Variants in ZC3HAV1 observed in about 807,000 individuals in gnomAD.
ZC3HAV1 encodes the protein zinc finger CCCH-type antiviral protein 1.
ZC3HAV1 carries 41 observed loss-of-function variants against 86.6 expected under a neutral mutation model. That is an observed-to-expected ratio of 0.47 (90% confidence interval 0.37 to 0.61). ZC3HAV1 has a LOEUF of 0.61. Among genes scored for constraint, ZC3HAV1 ranks in the 20% least tolerant of loss-of-function variants. ZC3HAV1 has a pLI of 0.00. For synonymous variants in ZC3HAV1, 421 were observed against 432.1 expected, an observed-to-expected ratio of 0.97 and a Z score of 0.32; for missense variants, 964 against 1,141.1, an observed-to-expected ratio of 0.84 and a Z score of 2.24.
chr7:139,075,848 T>C (rs866792709), intron 6 of ZC3HAV1, among the ~76,000 whole-genome samples: 6 of 152,354 alleles, frequency 3.9e-5, no homozygotes, highest in Middle Eastern at 6.8e-3. Flanking sequence ...AGTAAAACTA[T>C]ATGAAATTAT....
At chr7:139,105,415 G>C in intron 1 of ZC3HAV1, among the ~76,000 whole-genome samples, 1 of 152,104 alleles carries the variant, frequency 6.6e-6, no homozygotes, top group East Asian at 1.9e-4. Context: ...CATAGTGGTT[G>C]GCACATAGTT....
chr7:139,087,636 T>C (rs983096734), intron 2 of ZC3HAV1, among the ~76,000 whole-genome samples: 1 of 152,136 alleles, frequency 6.6e-6, no homozygotes, highest in Non-Finnish European at 1.5e-5. Flanking sequence ...TCACTTCTCA[T>C]GTTATAAGAT....
intron 1 of ZC3HAV1, among the ~76,000 whole-genome samples, chr7:139,101,105 G>A (rs1013596160): frequency 8.5e-5 from 13 of 152,200 alleles, no homozygotes; most frequent in Admixed American, 3.9e-4. Context: ...TCGGCCTCCC[G>A]AGGTGCCGGG....
At chr7:139,093,201 G>A (rs1054961100) in intron 1 of ZC3HAV1, among the ~76,000 whole-genome samples, 1 of 152,050 alleles carries the variant, frequency 6.6e-6, no homozygotes, top group Non-Finnish European at 1.5e-5. Flanking sequence ...GAATGAACAC[G>A]CATCCCAAAA....
chr7:139,106,598 C>A (rs1220573702), intron 1 of ZC3HAV1, among the ~76,000 whole-genome samples: 10 of 152,000 alleles, frequency 6.6e-5, no homozygotes, highest in Admixed American at 2.6e-4. Context: ...TTGGGTGACC[C>A]TATCTCAAAA....
Position 139,094,973 on chromosome 7 carries a change from C to T in ZC3HAV1, c.309-5214G>A, listed in dbSNP as rs555070327. On this transcript the variant is annotated intron_variant, in intron 1 of 12. Coordinates refer to ENST00000242351, the MANE Select transcript of ZC3HAV1 (RefSeq NM_020119.4). ...CAGTCAGACCAAAAAGAGACAGTAACCCGAGTCTTTTTTTTTTTTTTTTGG... is the reference window on the plus strand; with the variant it reads ...CAGTCAGACCAAAAAGAGACAGTAATCCGAGTCTTTTTTTTTTTTTTTTGG... 3.3e-5 allele frequency among the ~76,000 whole-genome samples: 5 copies of T among 151,284 alleles called. No homozygotes were observed. The South Asian group carries it at 6.2e-4, about 19-fold the overall frequency.
At chr7:139,061,883 A>T (rs2130678219) in intron 8 of ZC3HAV1, among the ~76,000 whole-genome samples, 1 of 152,366 alleles carries the variant, frequency 6.6e-6, no homozygotes, top group Non-Finnish European at 1.5e-5. Flanking sequence ...CTTATTCCTC[A>T]GTGATAAAAG....
intron 1 of ZC3HAV1, among the ~76,000 whole-genome samples, chr7:139,097,418 A>ATTTT (rs1563140611): frequency 1.0e-4 from 8 of 78,454 alleles, no homozygotes; most frequent in African/African-American, 5.4e-4. Flanking sequence ...ATATATATAT[A>ATTTT]TATATATATA....
rs1037881737 is a variant in ZC3HAV1 at position 139,108,779 on chromosome 7, A to C, written c.308+245T>G. Among the ~76,000 whole-genome samples the C allele has an allele frequency of 1.3e-5, 2 of 152,232 alleles. No individual in the cohort carries two copies. The highest frequency in any genetic ancestry group is 2.9e-5 in the Non-Finnish European group (2 of 68,046). On this transcript the variant is annotated intron_variant, in intron 1 of 12. Coordinates refer to ENST00000242351, the MANE Select transcript of ZC3HAV1 (RefSeq NM_020119.4). This position sits in a 1 kb window ranked among gnomAD's most constrained non-coding sequence, Gnocchi z 4.2. ...GTGGAGGTTGAGCCTGGTCTCCTCC[A>C]GGCACTAGCATTTTAGCCATTCTCG... is the stretch of plus-strand genomic sequence containing the variant.
chr7:139,068,498 C>A (rs1816672987), intron 7 of ZC3HAV1, among the ~76,000 whole-genome samples: 1 of 152,208 alleles, frequency 6.6e-6, no homozygotes, highest in African/African-American at 2.4e-5. Flanking sequence ...ATATTTTTAA[C>A]TCCTTCAGTA....
chr7:139,097,428 A>ATATATATATATTT, intron 1 of ZC3HAV1, among the ~76,000 whole-genome samples: 1 of 48,160 alleles, frequency 2.1e-5, no homozygotes, highest in African/African-American at 1.1e-4. Flanking sequence ...ATATATATAT[A>ATATATATATATTT]TTTTTTTTTT....
At position 139,076,396 on chromosome 7, in the gene ZC3HAV1, T is replaced by G. The variant is rs893829525; in HGVS notation, c.1587A>C (p.Lys529Asn). 9.9e-6 allele frequency: 16 copies of G among 1,613,950 alleles called. No individual in the cohort carries two copies. Among genetic ancestry groups the G allele is most frequent in the Non-Finnish European group, 1.2e-5 (14 of 1,179,984 alleles). Residue 529 changes from lysine to asparagine, a missense_variant, in exon 6 of 13, where the codon AAA becomes AAC. Lys to Asn is a moderately conservative substitution (Grantham distance 94, BLOSUM62 0). Transcript: ENST00000242351. ...KGCPLNGSCS[K>N]VHFHLPYRWQ... ...ACCGGTAAGGCAGATGGAAGTGGAC[T>G]TTGCTGCAGCTACCTACAAAGACAA...
chr7:139,047,496 G>C lies in ZC3HAV1; in HGVS notation c.*98C>G. ...CTGATCTAAGACATTAGATAACTGA[G>C]CAGGAAAATATAAAACTTTAACTCC... is the stretch of plus-strand genomic sequence containing the variant. On this transcript the variant is annotated 3_prime_UTR_variant, in exon 13 of 13. Coordinates refer to ENST00000242351, the MANE Select transcript of ZC3HAV1 (RefSeq NM_020119.4). 1 of 1,529,262 alleles carries C rather than the reference G, an allele frequency of 6.5e-7. No homozygotes were observed. Among genetic ancestry groups the C allele is most frequent in the Non-Finnish European group, 8.9e-7 (1 of 1,125,822 alleles). The allele number at this position is 1,529,262 out of a possible 1,614,324, so 94.7% of individuals were successfully genotyped here.
chr7:139,070,755 C>T (rs1300538990), intron 7 of ZC3HAV1, among the ~76,000 whole-genome samples: 1 of 150,482 alleles, frequency 6.6e-6, no homozygotes, highest in African/African-American at 2.5e-5. Flanking sequence ...CAGAGGCAGG[C>T]AGATCACCTG....
Position 139,108,952 on chromosome 7 carries a change from G to T in ZC3HAV1, c.308+72C>A. On this transcript the variant is annotated intron_variant, in intron 1 of 12. Transcript: ENST00000242351. This position sits in a 1 kb window ranked among gnomAD's most constrained non-coding sequence, Gnocchi z 4.2. The stretch of plus-strand genomic sequence containing the variant: ...TCCCGGCGAAGCCGTGCCCCTCCCA[G>T]AACATTGCCCGCCTGGACAGTCCAC... 1 of 1,468,246 alleles carries T rather than the reference G, an allele frequency of 6.8e-7. No homozygotes were observed. The highest frequency in any genetic ancestry group is 9.1e-7 in the Non-Finnish European group (1 of 1,099,798). 91.0% of individuals were successfully genotyped at this position (1,468,246 alleles called of 1,614,324 possible).
At chr7:139,107,378 G>A (rs1168104737) in intron 1 of ZC3HAV1, among the ~76,000 whole-genome samples, 1 of 152,178 alleles carries the variant, frequency 6.6e-6, no homozygotes, top group Non-Finnish European at 1.5e-5. Context: ...AAGGGTTTTT[G>A]CTCTAAAGAA....
At chr7:139,049,248 C>G (rs60717318) in intron 12 of ZC3HAV1, among the ~76,000 whole-genome samples, 4,903 of 151,314 alleles carry the variant, frequency 0.032, 263 homozygotes, top group African/African-American at 0.11. Flanking sequence ...ATCCTGGGCT[C>G]AAGCAATCTT....
intron 1 of ZC3HAV1, among the ~76,000 whole-genome samples, chr7:139,096,453 T>A (rs1817591413): frequency 6.6e-6 from 1 of 152,160 alleles, no homozygotes; most frequent in Non-Finnish European, 1.5e-5. Flanking sequence ...AGAGAGAGAT[T>A]AATTAACTGG....
chr7:139,094,209 T>C (rs182347696), intron 1 of ZC3HAV1, among the ~76,000 whole-genome samples: 10 of 151,812 alleles, frequency 6.6e-5, no homozygotes, highest in African/African-American at 2.4e-4. Context: ...AGTGTCTGAA[T>C]CAGTAAATCT....
Sources: allele counts gnomAD v4.1 joint callset (sites outside exome capture counted in the v4.1 genomes callset), GRCh38; gene constraint gnomAD v4.1.1; non-coding constraint Gnocchi (gnomAD v3.1); transcripts MANE v1.5; gene names NCBI Gene and HGNC (gene_info 2026-07-23, HGNC 2026-07-21).